ELMO2: variants seen among roughly 807,000 people sequenced by gnomAD.
ELMO2 encodes engulfment and cell motility 2, also known as engulfment and cell motility protein 2.
Under a neutral mutation model 96.2 loss-of-function variants are expected in ELMO2, and 37 were observed. The observed-to-expected ratio is 0.38, with a 90% CI of 0.30 to 0.51. The LOEUF is 0.51. Ranked by LOEUF, ELMO2 falls within the 20% of genes least tolerant of loss-of-function variation. The pLI is 0.88. For synonymous variants in ELMO2, 315 were observed against 329.4 expected, an observed-to-expected ratio of 0.96 and a Z score of 0.47; for missense variants, 561 against 912.6, an observed-to-expected ratio of 0.61 and a Z score of 4.96.
At chr20:46,404,063 G>C (rs1034679651) in intron 1 of ELMO2, among the ~76,000 whole-genome samples, 1 of 151,948 alleles carries the variant, frequency 6.6e-6, no homozygotes, top group Non-Finnish European at 1.5e-5. Context: ...CAGCCTGGGC[G>C]ACAAGAGTAA....
At position 46,389,053 on chromosome 20, in the gene ELMO2, G is replaced by C. The variant is rs774209222; in HGVS notation, c.411C>G (p.Thr137=). Reference sequence around the variant, plus strand: ...GTCATACTCACTGGGACAAGAGCTTGGTTCCACTTTCCACGAGCCTTGTCA... The same window carrying C: ...GTCATACTCACTGGGACAAGAGCTTCGTTCCACTTTCCACGAGCCTTGTCA... ...IVLTRLVESG[T]KLLSHYSEML... is the part of the protein sequence containing the mutation. The change falls in exon 7 of 22, where the codon ACC becomes ACG. Residue 137 remains threonine (T), a synonymous_variant. Coordinates refer to ENST00000290246, the MANE Select transcript of ELMO2 (RefSeq NM_133171.5). 2 of 1,613,902 alleles carry C rather than the reference G, an allele frequency of 1.2e-6. No individual in the cohort carries two copies. Among genetic ancestry groups the C allele is most frequent in the Non-Finnish European group, 1.7e-6 (2 of 1,179,866 alleles).
chr20:46,379,062 G>A (rs987646444), intron 11 of ELMO2, among the ~76,000 whole-genome samples: 2 of 151,784 alleles, frequency 1.3e-5, no homozygotes, highest in Non-Finnish European at 2.9e-5. Flanking sequence ...GCCTGGTCTC[G>A]GCTCACTGCA....
chr20:46,387,227 G>A, intron 8 of ELMO2, 111 bp downstream of exon 8: 1 of 845,366 alleles, frequency 1.2e-6, no homozygotes, highest in South Asian at 1.8e-5. Flanking sequence ...TCTGGCCCCA[G>A]GGAATATAAA....
At chr20:46,392,171 T>C (rs1400288772) in intron 6 of ELMO2, among the ~76,000 whole-genome samples, 3 of 152,174 alleles carry the variant, frequency 2.0e-5, no homozygotes, top group East Asian at 3.9e-4. Context: ...CTCTCCTCAG[T>C]CCTGACACTC....
chr20:46,396,239 T>G (rs192397933), intron 2 of ELMO2, among the ~76,000 whole-genome samples: 76 of 152,302 alleles, frequency 5.0e-4, no homozygotes, highest in African/African-American at 1.8e-3. Flanking sequence ...GACAGGGAGT[T>G]CTTGTTCTAG....
intron 2 of ELMO2, among the ~76,000 whole-genome samples, chr20:46,395,547 C>T (rs1248897868): frequency 6.6e-6 from 1 of 152,248 alleles, no homozygotes; most frequent in African/African-American, 2.4e-5. Flanking sequence ...CCTGCCTCTC[C>T]TGGCGTACAA....
chr20:46,382,177 G>A (rs2059967860), intron 10 of ELMO2: 1 of 1,289,606 alleles, frequency 7.8e-7, no homozygotes, highest in Non-Finnish European at 1.0e-6. Flanking sequence ...CAAGAGCTGG[G>A]GCCCTTTCCA....
intron 20 of ELMO2, 121 bp from the exon 21 acceptor site, chr20:46,369,089 A>G: frequency 2.2e-6 from 2 of 915,340 alleles, no homozygotes; most frequent in Non-Finnish European, 3.5e-6. Context: ...GATGAATGTC[A>G]TCAATGCTCC....
chr20:46,379,768 C>G (rs1039286885), intron 11 of ELMO2, among the ~76,000 whole-genome samples: 6 of 152,192 alleles, frequency 3.9e-5, no homozygotes, highest in African/African-American at 1.4e-4. Flanking sequence ...GCAGAAATCA[C>G]TGTTCCTCCT....
chr20:46,388,038 TCTC>T (rs2060081176), intron 7 of ELMO2, among the ~76,000 whole-genome samples: 1 of 152,232 alleles, frequency 6.6e-6, no homozygotes, highest in African/African-American at 2.4e-5. Flanking sequence ...TTTTTTCTCT[TCTC>T]CTTATACATT....
At chr20:46,391,819 G>A (rs1186637579) in intron 6 of ELMO2, among the ~76,000 whole-genome samples, 1 of 152,178 alleles carries the variant, frequency 6.6e-6, no homozygotes, top group Non-Finnish European at 1.5e-5. Context: ...CAGGAGTTGC[G>A]GGGAGACCTT....
In ELMO2 at chr20:46,375,475, A is replaced by G. The variant is rs79573399; in HGVS notation, c.931-105T>C. 1.6e-3 allele frequency: 2,448 copies of G among 1,518,572 alleles called. 42 individuals are homozygous for G. The East Asian group carries it at 0.037, about 23-fold the overall frequency. The allele number at this position is 1,518,572 out of a possible 1,614,324, so 94.1% of individuals were successfully genotyped here. On this transcript the variant is annotated intron_variant, in intron 12 of 21. Transcript: ENST00000290246. The surrounding 1 kb of genome is among the most constrained non-coding windows in gnomAD (Gnocchi z 4.6). The stretch of plus-strand genomic sequence containing the variant: ...CTGGGCCAAACTTTGGCCCCAATCA[A>G]TCCCTTAGGAGGCATCACCTCTACC...
chr20:46,376,773 C>T, intron 11 of ELMO2: 7 of 1,289,354 alleles, frequency 5.4e-6, no homozygotes, highest in Non-Finnish European at 7.1e-6. Flanking sequence ...CCACATGTAC[C>T]ACCACTATGT....
intron 2 of ELMO2, among the ~76,000 whole-genome samples, chr20:46,397,347 ACTATTCCAG>A (rs1229124953): frequency 1.3e-5 from 2 of 152,208 alleles, no homozygotes; most frequent in Non-Finnish European, 2.9e-5. Context: ...CTTTAGCTGA[ACTATTCCAG>A]TTCTTTCTCT....
intron 11 of ELMO2, among the ~76,000 whole-genome samples, chr20:46,378,494 G>A (rs1461637769): frequency 1.3e-5 from 2 of 152,242 alleles, no homozygotes. Flanking sequence ...GGGTGACCAG[G>A]ACAGCTGCTC....
At chr20:46,403,416 T>C (rs967059490) in intron 1 of ELMO2, among the ~76,000 whole-genome samples, 12 of 152,218 alleles carry the variant, frequency 7.9e-5, no homozygotes, top group African/African-American at 2.9e-4. Flanking sequence ...GCATGCCTAA[T>C]AGGGTTATAA....
chr20:46,374,352 A>G lies in ELMO2; in HGVS notation c.1259T>C (p.Ile420Thr). 1 of 1,614,070 alleles carries G rather than the reference A, an allele frequency of 6.2e-7. No homozygotes were observed. ...CTTACGTAGTTCCCCAACCTGCAGG[A>G]TTTCACAGAGCATTTTGGTGAGCTC... Reference protein sequence around the residue: ...AIELTKMLCEILQVGELPNEG... With the variant: ...AIELTKMLCETLQVGELPNEG... Residue 420 changes from isoleucine (I) to threonine (T), a missense_variant, in exon 15 of 22, where the codon ATC (isoleucine) becomes ACC (threonine). Physicochemically the swap from Ile to Thr is moderately conservative, Grantham distance 89. Coordinates refer to ENST00000290246, the MANE Select transcript of ELMO2 (RefSeq NM_133171.5).
intron 9 of ELMO2, among the ~76,000 whole-genome samples, chr20:46,384,488 A>C (rs1240991263): frequency 6.6e-6 from 1 of 152,068 alleles, no homozygotes; most frequent in Non-Finnish European, 1.5e-5. Flanking sequence ...ATTGGCTCCT[A>C]TGAAATGCCA....
At chr20:46,383,719 C>G (rs568884202) in intron 9 of ELMO2, among the ~76,000 whole-genome samples, 2 of 152,134 alleles carry the variant, frequency 1.3e-5, no homozygotes, top group Non-Finnish European at 2.9e-5. Flanking sequence ...ACTGACAAGG[C>G]GTTTCATTAA....
Sources: gnomAD v4.1 joint callset for allele counts (sites outside exome capture counted in the v4.1 genomes callset) on GRCh38, gnomAD v4.1.1 for gene constraint, Gnocchi (gnomAD v3.1) non-coding constraint, MANE v1.5 for transcripts, NCBI Gene and HGNC (gene_info 2026-07-23, HGNC 2026-07-21) for gene names.